NEDD4L: variants seen among roughly 807,000 people sequenced by gnomAD.
NEDD4L encodes the protein E3 ubiquitin-protein ligase NEDD4-like.
In NEDD4L, 54 loss-of-function variants were observed where a neutral mutation model predicts 148.9. The observed-to-expected ratio is 0.36, with a 90% CI of 0.29 to 0.45. NEDD4L has a LOEUF of 0.45. Ranked by LOEUF, NEDD4L falls within the 20% of genes least tolerant of loss-of-function variation. NEDD4L has a pLI of 1.00. For missense variants in NEDD4L, 856 were observed against 1,233.8 expected (o/e 0.69, Z 4.59); for synonymous variants, 433 against 440.7 (o/e 0.98, Z 0.22).
intron 3 of NEDD4L, among the ~76,000 whole-genome samples, chr18:58,247,038 C>A (rs2047344678): frequency 6.6e-6 from 1 of 151,384 alleles, no homozygotes; most frequent in Non-Finnish European, 1.5e-5. Context: ...GAACCTGTCT[C>A]AAAAAAAACC....
At chr18:58,363,307 A>G (rs1480609670) in intron 19 of NEDD4L, among the ~76,000 whole-genome samples, 1 of 152,240 alleles carries the variant, frequency 6.6e-6, no homozygotes, top group Non-Finnish European at 1.5e-5. Flanking sequence ...ACTAAGGATC[A>G]GTATATTTTA....
At chr18:58,195,833 A>C in intron 2 of NEDD4L, 14 of 658,640 alleles carry the variant, frequency 2.1e-5, no homozygotes, top group Non-Finnish European at 3.2e-5. Context: ...TTTAACCCAA[A>C]TGTGCAGGAT....
intron 1 of NEDD4L, among the ~76,000 whole-genome samples, chr18:58,123,543 C>T (rs1021560625): frequency 6.6e-6 from 1 of 152,188 alleles, no homozygotes; most frequent in Non-Finnish European, 1.5e-5. Flanking sequence ...GTTGGACACC[C>T]CACCCTGGTT....
rs1229988246 is a variant in NEDD4L, at chr18:58,127,622, G to A, written c.49-38166G>A. Among the ~76,000 whole-genome samples the A allele has an allele frequency of 4.0e-5, 6 of 151,896 alleles. No homozygotes were observed. The South Asian group carries it at 6.2e-4, about 16-fold the overall frequency. ...TGGGAGGCCGAGGCAGGCGGATCAC[G>A]AGGTCAGGAGATTGAGACCATCCTG... On this transcript the variant is annotated intron_variant, in intron 1 of 30. Coordinates refer to ENST00000400345, the MANE Select transcript of NEDD4L (RefSeq NM_001144967.3).
chr18:58,155,974 A>G (rs2035439380), intron 1 of NEDD4L, among the ~76,000 whole-genome samples: 1 of 152,178 alleles, frequency 6.6e-6, no homozygotes. Context: ...AGACAGTGGA[A>G]TTCTACTTGC....
At chr18:58,364,567 C>T (rs547605879) in intron 20 of NEDD4L, among the ~76,000 whole-genome samples, 1 of 152,196 alleles carries the variant, frequency 6.6e-6, no homozygotes, top group African/African-American at 2.4e-5. Flanking sequence ...GGGTAATTTC[C>T]TATGTAATAC....
intron 2 of NEDD4L, among the ~76,000 whole-genome samples, chr18:58,190,135 A>G (rs1344646827): frequency 6.6e-6 from 1 of 152,232 alleles, no homozygotes; most frequent in Non-Finnish European, 1.5e-5. Context: ...TTCTTCAATT[A>G]ACATATTGTT....
intron 1 of NEDD4L, chr18:58,047,614 T>G: frequency 1.7e-6 from 1 of 584,556 alleles, no homozygotes; most frequent in South Asian, 7.5e-5. Flanking sequence ...TAATTCATAT[T>G]TACCCTGATT....
intron 30 of NEDD4L, among the ~76,000 whole-genome samples, chr18:58,395,389 C>T (rs1350281945): frequency 6.6e-6 from 1 of 152,168 alleles, no homozygotes; most frequent in Non-Finnish European, 1.5e-5. Context: ...CTGATCCGAT[C>T]CACTTGGCAC....
At chr18:58,294,959 A>AT (rs938811182) in intron 5 of NEDD4L, among the ~76,000 whole-genome samples, 4 of 152,184 alleles carry the variant, frequency 2.6e-5, no homozygotes, top group African/African-American at 4.8e-5. Flanking sequence ...AACTGACTTT[A>AT]TTTTTTTGGA....
In NEDD4L at chr18:58,265,443, G is replaced by A. The variant is rs1389889534; in HGVS notation, c.297+13389G>A. Among the ~76,000 whole-genome samples the A allele has an allele frequency of 2.6e-5, 4 of 152,030 alleles. No individual in the cohort carries two copies. In the East Asian group the frequency reaches 7.7e-4, roughly 29 times the overall value. On this transcript the variant is annotated intron_variant, in intron 5 of 30. Transcript: ENST00000400345. The stretch of plus-strand genomic sequence containing the variant: ...CATGCTGAGGACAAGGAAATACCAA[G>A]GCACAGTTTCTGCCATTTAATGGTG...
chr18:58,137,707 T>G (rs1015808223), intron 1 of NEDD4L, among the ~76,000 whole-genome samples: 1 of 152,114 alleles, frequency 6.6e-6, no homozygotes, highest in African/African-American at 2.4e-5. Flanking sequence ...AAGGATTTGT[T>G]TTTTTTTCCA....
At chr18:58,107,412 G>A (rs2085128437) in intron 1 of NEDD4L, among the ~76,000 whole-genome samples, 1 of 150,638 alleles carries the variant, frequency 6.6e-6, no homozygotes, top group Non-Finnish European at 1.5e-5. Context: ...GCTTGGTCTG[G>A]GTGATTTTTG....
chr18:58,345,746 TA>T (rs1186076486), intron 16 of NEDD4L, among the ~76,000 whole-genome samples: 1 of 152,064 alleles, frequency 6.6e-6, no homozygotes, highest in Non-Finnish European at 1.5e-5. Flanking sequence ...TTTTAATTAT[TA>T]TTTTTTTTGT....
intron 1 of NEDD4L, among the ~76,000 whole-genome samples, chr18:58,069,158 A>G (rs1360874753): frequency 6.6e-6 from 1 of 150,906 alleles, no homozygotes; most frequent in Non-Finnish European, 1.5e-5. Context: ...AAAAAAAAAA[A>G]ATAGGAAAGA....
At position 58,292,564 on chromosome 18, in the gene NEDD4L, C is replaced by T. The variant is rs370160035; in HGVS notation, c.298-23418C>T. Among the ~76,000 whole-genome samples the T allele has an allele frequency of 3.3e-5, 5 of 152,214 alleles. No homozygotes were observed. The East Asian group carries it at 7.7e-4, about 23-fold the overall frequency. On this transcript the variant is annotated intron_variant, in intron 5 of 30. Coordinates refer to ENST00000400345, the MANE Select transcript of NEDD4L (RefSeq NM_001144967.3). ...CTCTCTCGTAGTACTTTATTTTTAC[C>T]TTGCTCCTGGCTCACATTACATGCT...
At chr18:58,051,533 GCAT>G (rs1226281951) in intron 1 of NEDD4L, among the ~76,000 whole-genome samples, 3 of 152,104 alleles carry the variant, frequency 2.0e-5, no homozygotes, top group Admixed American at 2.0e-4. Flanking sequence ...GTTTAAAATG[GCAT>G]CATGAAAACA....
At chr18:58,111,868 T>C (rs1018186249) in intron 1 of NEDD4L, among the ~76,000 whole-genome samples, 11 of 152,232 alleles carry the variant, frequency 7.2e-5, no homozygotes, top group Admixed American at 7.2e-4. Context: ...TGCCAGACTG[T>C]TTTCCAAAGC....
chr18:58,139,420 G>T (rs900129239), intron 1 of NEDD4L, among the ~76,000 whole-genome samples: 5 of 151,970 alleles, frequency 3.3e-5, no homozygotes, highest in African/African-American at 1.2e-4. Context: ...AAAAAATTGG[G>T]CTGATACAAT....
Sources: allele counts gnomAD v4.1 joint callset (sites outside exome capture counted in the v4.1 genomes callset), GRCh38; gene constraint gnomAD v4.1.1; transcripts MANE v1.5; gene names NCBI Gene and HGNC (gene_info 2026-07-23, HGNC 2026-07-21).